Variants in PTK2B observed in about 807,000 individuals in gnomAD.
PTK2B encodes the protein protein tyrosine kinase 2 beta, also known as protein-tyrosine kinase 2-beta.
PTK2B carries 71 observed loss-of-function variants against 142.9 expected under a neutral mutation model. The ratio of observed to expected loss-of-function variants is 0.50; its 90% CI spans 0.41 to 0.61. PTK2B has a LOEUF of 0.61. Ranked by LOEUF, PTK2B falls within the 20% of genes least tolerant of loss-of-function variation. PTK2B has a pLI of 0.00. For synonymous variants in PTK2B, 519 were observed against 503.4 expected (o/e 1.03, Z -0.42); for missense variants, 1,105 against 1,320.4 (o/e 0.84, Z 2.53).
intron 2 of PTK2B, among the ~76,000 whole-genome samples, chr8:27,410,026 A>G (rs1042547639): frequency 6.6e-6 from 1 of 152,182 alleles, no homozygotes; most frequent in Non-Finnish European, 1.5e-5. Flanking sequence ...CTGGCCTAAG[A>G]CTTTTTTTCA....
intron 19 of PTK2B, 29 bp from the exon 20 acceptor site, chr8:27,439,280 T>TA (rs1811002148): frequency 6.3e-7 from 1 of 1,589,822 alleles, no homozygotes; most frequent in Non-Finnish European, 8.6e-7. Context: ...CTTTCTTCCC[T>TA]AAAAATCAAC....
At chr8:27,318,755 A>G (rs1803144967) in intron 3 of PTK2B, among the ~76,000 whole-genome samples, 1 of 152,118 alleles carries the variant, frequency 6.6e-6, no homozygotes, top group Non-Finnish European at 1.5e-5. Flanking sequence ...GGTTCAAGCA[A>G]TTCTTCTGCC....
intron 1 of PTK2B, among the ~76,000 whole-genome samples, chr8:27,356,035 AG>A (rs1285677841): frequency 6.6e-6 from 1 of 151,974 alleles, no homozygotes; most frequent in Non-Finnish European, 1.5e-5. Context: ...AAAAAAAAAA[AG>A]TTCCAGTATT....
rs115927227 is a variant in PTK2B at position 27,448,102 on chromosome 8, C to T, written c.2340+2183C>T. On this transcript the variant is annotated intron_variant, in intron 24 of 30. Coordinates refer to ENST00000346049, the MANE Select transcript of PTK2B (RefSeq NM_173176.3). ...TTCCAGCTTCTATTTAAAAGTTGGG[C>T]CTTGAAAGATGGGAAAGATGTGGAC... is the stretch of plus-strand genomic sequence containing the variant. 3.6e-3 allele frequency among the ~76,000 whole-genome samples: 544 copies of T among 152,220 alleles called. 4 individuals are homozygous for T. Among genetic ancestry groups the T allele is most frequent in the African/African-American group, 0.012 (494 of 41,524 alleles).
chr8:27,435,780 G>A lies in PTK2B; in HGVS notation c.1230G>A (p.Leu410=). 1 of 1,614,136 alleles carries A rather than the reference G, an allele frequency of 6.2e-7. No homozygotes were observed. The highest frequency in any genetic ancestry group is 8.5e-7 in the Non-Finnish European group (1 of 1,180,038). The change falls in exon 14 of 31, where the codon CTG becomes CTA. Residue 410 remains leucine, a synonymous_variant. Coordinates refer to ENST00000346049, the MANE Select transcript of PTK2B (RefSeq NM_173176.3). ...DIYAEIPDET[L]RRPGGPQYGI... is the part of the protein sequence containing the mutation. ...ACGCAGAGATTCCCGACGAAACCCT[G>A]CGAAGGCCCGGAGGTAGGTTCTCGA...
chr8:27,382,137 G>T (rs1437660981), intron 1 of PTK2B, among the ~76,000 whole-genome samples: 2 of 151,974 alleles, frequency 1.3e-5, no homozygotes, highest in Non-Finnish European at 2.9e-5. Context: ...TAATAGAGAG[G>T]GGCTTTCCCC....
At chr8:27,310,671 G>C, upstream of PTK2B, 1 of 1,060,176 alleles carries the variant, frequency 9.4e-7, no homozygotes, top group Non-Finnish European at 1.3e-6. Context: ...GGAGAGGTGG[G>C]GTCCTGCATG....
intron 30 of PTK2B, among the ~76,000 whole-genome samples, chr8:27,456,939 G>A (rs541743045): frequency 6.6e-6 from 1 of 152,348 alleles, no homozygotes; most frequent in South Asian, 2.1e-4. Flanking sequence ...CAGAAGAAAA[G>A]TTGGAAGCTA....
At chr8:27,365,415 T>C (rs1373311067) in intron 1 of PTK2B, among the ~76,000 whole-genome samples, 1 of 152,212 alleles carries the variant, frequency 6.6e-6, no homozygotes, top group Non-Finnish European at 1.5e-5. Flanking sequence ...AATCTTGGCC[T>C]CTTTCTTTGG....
chr8:27,435,905 G>C (rs533273778), intron 14 of PTK2B, 112 bp downstream of exon 14: 2 of 1,364,488 alleles, frequency 1.5e-6, no homozygotes, highest in Non-Finnish European at 1.0e-6. Context: ...TCCTCCCTTC[G>C]TGCTAGACTT....
chr8:27,436,740 C>G (rs1019547031), intron 15 of PTK2B, among the ~76,000 whole-genome samples: 1 of 151,870 alleles, frequency 6.6e-6, no homozygotes, highest in African/African-American at 2.4e-5. Flanking sequence ...CTAGCAGGCC[C>G]AGGGGAAGAA....
chr8:27,443,399 C>T (rs1337202421), intron 22 of PTK2B, among the ~76,000 whole-genome samples: 1 of 152,200 alleles, frequency 6.6e-6, no homozygotes, highest in Non-Finnish European at 1.5e-5. Context: ...GTCTGAGAGG[C>T]CGTGCCTGTC....
intron 2 of PTK2B, among the ~76,000 whole-genome samples, chr8:27,401,346 G>A (rs947006805): frequency 1.3e-5 from 2 of 152,208 alleles, no homozygotes; most frequent in Admixed American, 6.5e-5. Flanking sequence ...AGTGTCAGAT[G>A]CTCAGAAAGG....
chr8:27,438,057 GT>G lies in PTK2B; in HGVS notation c.1643+179del, dbSNP rs1202430163. 9.9e-6 allele frequency: 6 copies of G among 607,110 alleles called. No individual in the cohort carries two copies. The African/African-American group carries it at 1.1e-4, about 11-fold the overall frequency. The allele number at this position is 607,110 out of a possible 1,614,324, so 37.6% of individuals were successfully genotyped here. ...CTGACCCTGTGTCCTCATCTGTAAA[GT>G]TGCAGGCACTGTATGTACCTCATGG... is the stretch of plus-strand genomic sequence containing the variant. On this transcript the variant is annotated intron_variant, in intron 18 of 30. Transcript: ENST00000346049.
At chr8:27,454,338 C>A in intron 29 of PTK2B, 47 bp downstream of exon 29, 1 of 1,596,170 alleles carries the variant, frequency 6.3e-7, no homozygotes, top group Non-Finnish European at 8.5e-7. Flanking sequence ...TCAAGTCCGC[C>A]CTGGAAGGAA....
chr8:27,434,439 G>T, intron 12 of PTK2B, 74 bp from the exon 13 acceptor site: 1 of 1,467,790 alleles, frequency 6.8e-7, no homozygotes. Flanking sequence ...GGAGGAGAGG[G>T]CGGGCCGAGG....
At chr8:27,344,018 TAAAAAATA>T (rs757619998) in intron 1 of PTK2B, among the ~76,000 whole-genome samples, 15 of 151,618 alleles carry the variant, frequency 9.9e-5, no homozygotes, top group Non-Finnish European at 2.2e-4. Context: ...AATAAATAAA[TAAAAAATA>T]AAAAAATAAA....
chr8:27,364,766 G>A (rs554085490), intron 1 of PTK2B, among the ~76,000 whole-genome samples: 2 of 152,286 alleles, frequency 1.3e-5, no homozygotes, highest in East Asian at 3.9e-4. Flanking sequence ...GGCAATATTC[G>A]CTTTTCTTCT....
intron 5 of PTK2B, 142 bp from the exon 6 acceptor site, chr8:27,429,951 T>G: frequency 2.6e-6 from 2 of 779,464 alleles, no homozygotes; most frequent in Non-Finnish European, 4.4e-6. Flanking sequence ...AATACTAAAT[T>G]TTATGACTCT....
Sources: allele counts gnomAD v4.1 joint callset (sites outside exome capture counted in the v4.1 genomes callset), GRCh38; gene constraint gnomAD v4.1.1; transcripts MANE v1.5; gene names NCBI Gene and HGNC (gene_info 2026-07-23, HGNC 2026-07-21).